Variants in SFXN2 observed in about 807,000 individuals in gnomAD.
SFXN2 encodes the protein sideroflexin-2.
SFXN2 carries 37 observed loss-of-function variants against 41.9 expected under a neutral mutation model. The ratio of observed to expected loss-of-function variants is 0.88; its 90% CI spans 0.68 to 1.16. The LOEUF is 1.16. Ranked by LOEUF, SFXN2 falls within the 50% of genes most tolerant of loss-of-function variation. The pLI is 0.00. For synonymous variants in SFXN2, 150 were observed against 156.7 expected, an observed-to-expected ratio of 0.96 and a Z score of 0.32; for missense variants, 386 against 425.2, an observed-to-expected ratio of 0.91 and a Z score of 0.81.
intron 6 of SFXN2, 97 bp from the exon 7 acceptor site, chr10:102,731,626 A>C: frequency 1.0e-6 from 1 of 994,536 alleles, no homozygotes; most frequent in Non-Finnish European, 1.6e-6. Flanking sequence ...GGCTTCCTGG[A>C]GCTTAAGTGG....
At chr10:102,737,579 G>A (rs1362528940) in intron 11 of SFXN2, 84 bp from the exon 12 acceptor site, 1 of 846,414 alleles carries the variant, frequency 1.2e-6, no homozygotes, top group East Asian at 2.5e-5. Flanking sequence ...AAATCAGGAG[G>A]GCTTCTTGGA....
chr10:102,723,126 A>G (rs915932535), intron 1 of SFXN2, among the ~76,000 whole-genome samples: 3 of 151,754 alleles, frequency 2.0e-5, no homozygotes, highest in African/African-American at 7.3e-5. Flanking sequence ...AGAAAAAAAA[A>G]TACAAAATGA....
At chr10:102,717,124 C>CTTTTTTT (rs55839661) in intron 1 of SFXN2, among the ~76,000 whole-genome samples, 4 of 97,242 alleles carry the variant, frequency 4.1e-5, no homozygotes, top group Admixed American at 1.4e-4. Context: ...TTCTCTCTCT[C>CTTTTTTT]TTTTTTTTTT....
intron 1 of SFXN2, among the ~76,000 whole-genome samples, chr10:102,715,552 G>A (rs1405570971): frequency 6.6e-6 from 1 of 152,180 alleles, no homozygotes; most frequent in African/African-American, 2.4e-5. Context: ...TGTTCTAGAC[G>A]CTGGAGACAC....
At chr10:102,716,462 G>A (rs1472426044) in intron 1 of SFXN2, 2 of 151,268 alleles carry the variant, frequency 1.3e-5, no homozygotes, top group African/African-American at 4.9e-5. Flanking sequence ...GATACCATTT[G>A]CCAGAGAAAA....
intron 1 of SFXN2, among the ~76,000 whole-genome samples, chr10:102,721,068 C>T (rs769449318): frequency 4.6e-5 from 7 of 152,188 alleles, no homozygotes; most frequent in African/African-American, 1.4e-4. Context: ...CCATTACCCG[C>T]GTTGCTCCCT....
Position 102,732,903 on chromosome 10 carries a change from A to G in SFXN2, c.766A>G (p.Met256Val). 1 of 1,614,070 alleles carries G rather than the reference A, an allele frequency of 6.2e-7. No homozygotes were observed. The highest frequency in any genetic ancestry group is 1.1e-5 in the South Asian group (1 of 91,082). The change falls in exon 9 of 12, where the codon ATG (methionine) becomes GTG (valine). Residue 256 changes from methionine to valine, a missense_variant. Transcript: ENST00000369893. Reference protein sequence around the residue: ...IMERLEKLHFMQKVKVLHAPL... With the variant: ...IMERLEKLHFVQKVKVLHAPL... ...GGAAAGGCTTGAGAAATTGCACTTC[A>G]TGCAGGTATGTAGGGTTTGCTTTGG...
chr10:102,736,707 G>A (rs982141530), intron 11 of SFXN2, among the ~76,000 whole-genome samples: 19 of 150,664 alleles, frequency 1.3e-4, no homozygotes, highest in Admixed American at 2.6e-4. Flanking sequence ...GAGCCACCGC[G>A]CCTGGCCTCA....
chr10:102,730,097 T>G (rs2064678966), intron 6 of SFXN2, among the ~76,000 whole-genome samples: 1 of 152,224 alleles, frequency 6.6e-6, no homozygotes, highest in Non-Finnish European at 1.5e-5. Flanking sequence ...CATGTCCTTT[T>G]GGACCTGTGT....
Position 102,732,227 on chromosome 10 carries a change from G to A in SFXN2, c.721+9G>A, listed in dbSNP as rs761681378. ...GTCAGCTCCTGGGATGAGTAAGATG[G>A]GGAAGCCCTTCCATCCTGGGGAAGC... On this transcript the variant is annotated intron_variant, in intron 8 of 11. Coordinates refer to ENST00000369893, the MANE Select transcript of SFXN2 (RefSeq NM_178858.6). 1.9e-6 allele frequency: 3 copies of A among 1,612,936 alleles called. No homozygotes were observed. The South Asian group carries it at 3.3e-5, about 18-fold the overall frequency.
chr10:102,724,475 G>C (rs575060108), intron 1 of SFXN2, among the ~76,000 whole-genome samples: 1 of 152,260 alleles, frequency 6.6e-6, no homozygotes, highest in East Asian at 1.9e-4. Context: ...AGGCCGAGGT[G>C]GGCGGATCAC....
chr10:102,732,813 G>A, intron 8 of SFXN2, 46 bp from the exon 9 acceptor site: 1 of 1,605,766 alleles, frequency 6.2e-7, no homozygotes, highest in African/African-American at 1.3e-5. Context: ...GAGTCCTGGG[G>A]AGAGCCTCCC....
chr10:102,716,562 CTTTTTTTTTTTT>C (rs567284795), intron 1 of SFXN2: 1 of 88,004 alleles, frequency 1.1e-5, no homozygotes, highest in Non-Finnish European at 2.1e-5. Flanking sequence ...TCTTTCTTTC[CTTTTTTTTTTTT>C]TTTTTTTTTT....
rs139582950 is a variant in SFXN2, at chr10:102,719,291, G to A, written c.-26+4610G>A. Among the ~76,000 whole-genome samples, 1,722 of 149,904 alleles carry A rather than the reference G, an allele frequency of 0.011. 109 individuals are homozygous for A. The East Asian group carries it at 0.17, about 15-fold the overall frequency. On this transcript the variant is annotated intron_variant, in intron 1 of 11. Transcript: ENST00000369893. ...GGCTGGAGTACAGTGGCACAATCTCGGCTCACTGCAACCTCCGCCTCCTGG... is the reference window on the plus strand; with the variant it reads ...GGCTGGAGTACAGTGGCACAATCTCAGCTCACTGCAACCTCCGCCTCCTGG...
intron 10 of SFXN2, among the ~76,000 whole-genome samples, chr10:102,735,003 C>T (rs180754318): frequency 6.6e-6 from 1 of 152,242 alleles, no homozygotes; most frequent in Admixed American, 6.5e-5. Context: ...TCTGACAGCC[C>T]AGGTGTTCAA....
rs1411066121 is a variant in SFXN2, at chr10:102,741,342, C to T, written c.*3580C>T. 6.6e-6 allele frequency: 1 copy of T among 152,252 alleles called. No individual in the cohort carries two copies. Among genetic ancestry groups the T allele is most frequent in the Non-Finnish European group, 1.5e-5 (1 of 68,080 alleles). 9.4% of individuals were successfully genotyped at this position (152,252 alleles called of 1,614,324 possible). A position where few individuals can be genotyped will look rare whatever the true frequency, so the allele number is the denominator to read the frequency against. On this transcript the variant is annotated 3_prime_UTR_variant, in exon 12 of 12. Transcript: ENST00000369893. ...GATCATGACTCATTGCTTCCTCAGC[C>T]TCCTGGACTCAAGTGATCCTCCTGC...
chr10:102,732,503 TA>T (rs2064718850), intron 8 of SFXN2, among the ~76,000 whole-genome samples: 1 of 152,200 alleles, frequency 6.6e-6, no homozygotes, highest in African/African-American at 2.4e-5. Flanking sequence ...ATAGAGAAAA[TA>T]AATTCCCTGC....
chr10:102,733,171 G>A (rs1477702622), intron 9 of SFXN2, among the ~76,000 whole-genome samples: 1 of 152,138 alleles, frequency 6.6e-6, no homozygotes, highest in Admixed American at 6.5e-5. Context: ...CTTTTGAGAT[G>A]GAGTCTCGCT....
In SFXN2 at chr10:102,742,817, T is replaced by C. The variant is rs187860304; in HGVS notation, c.*5055T>C. On this transcript the variant is annotated 3_prime_UTR_variant, in exon 12 of 12. Coordinates refer to ENST00000369893, the MANE Select transcript of SFXN2 (RefSeq NM_178858.6). ...TCTGGTTGAGCCTTGTACAGGATATTATAGGCTTTAAAAGAAGAAGAAGAA... is the reference window on the plus strand; with the variant it reads ...TCTGGTTGAGCCTTGTACAGGATATCATAGGCTTTAAAAGAAGAAGAAGAA... 7.2e-5 allele frequency: 11 copies of C among 152,238 alleles called. No individual in the cohort carries two copies. Among genetic ancestry groups the C allele is most frequent in the African/African-American group, 2.6e-4 (11 of 41,536 alleles). The allele number at this position is 152,238 out of a possible 1,614,324, so 9.4% of individuals were successfully genotyped here.
Sources: gnomAD v4.1 joint callset for allele counts (sites outside exome capture counted in the v4.1 genomes callset) on GRCh38, gnomAD v4.1.1 for gene constraint, MANE v1.5 for transcripts, NCBI Gene and HGNC (gene_info 2026-07-23, HGNC 2026-07-21) for gene names.